SPTSSB: variants seen among roughly 807,000 people sequenced by gnomAD.
SPTSSB encodes the protein androgen down regulated in mouse prostate.
A neutral mutation model predicts 7.7 loss-of-function variants in SPTSSB; 6 were observed. The ratio of observed to expected loss-of-function variants is 0.78; its 90% CI spans 0.43 to 1.54. The LOEUF is 1.54. Ranked by LOEUF, SPTSSB falls within the 40% of genes most tolerant of loss-of-function variation. The probability of loss-of-function intolerance (pLI) is 0.01; values close to 1 mark genes in which losing one functional copy is unlikely to be tolerated. For missense variants in SPTSSB, 91 were observed against 93.0 expected (o/e 0.98, Z 0.09); for synonymous variants, 28 against 29.7 (o/e 0.94, Z 0.19).
rs2108163988 is a variant in SPTSSB at position 161,359,860 on chromosome 3, G to T, written c.-91C>A. On this transcript the variant is annotated 5_prime_UTR_variant, in exon 2 of 3. Transcript: ENST00000620149. ...CTCCTTCACGAAATGATCCTGTGTG[G>T]GTTAGTTCTCCTCTCTGGGTTGCTG... 4 of 927,264 alleles carry T rather than the reference G, an allele frequency of 4.3e-6. No individual in the cohort carries two copies. The South Asian group carries it at 1.5e-4, about 35-fold the overall frequency. The allele number at this position is 927,264 out of a possible 1,614,324, so 57.4% of individuals were successfully genotyped here. A position where few individuals can be genotyped will look rare whatever the true frequency, so the allele number is the denominator to read the frequency against.
At chr3:161,369,314 C>CTCTT (rs1553804940) in intron 1 of SPTSSB, among the ~76,000 whole-genome samples, 4,126 of 65,554 alleles carry the variant, frequency 0.063, 151 homozygotes, top group Middle Eastern at 0.11. Context: ...TTCTTTCTTT[C>CTCTT]TCTTTCTTTC....
At chr3:161,369,302 CTTTCTTTCTTTCTCTTTCTTTCTT>C (rs1715373255) in intron 1 of SPTSSB, among the ~76,000 whole-genome samples, 1 of 57,776 alleles carries the variant, frequency 1.7e-5, no homozygotes, top group Non-Finnish European at 2.9e-5. Flanking sequence ...TTCTTTCTTT[CTTTCTTTCTTTCTCTTTCTTTCTT>C]TCTTTCTTTC....
intron 2 of SPTSSB, among the ~76,000 whole-genome samples, chr3:161,352,204 TCA>T (rs1182931497): frequency 6.6e-6 from 1 of 152,216 alleles, no homozygotes. Context: ...TTAAAGCCCT[TCA>T]CAGTTTCATT....
intron 2 of SPTSSB, chr3:161,359,596 C>T (rs1290336203): frequency 1.7e-5 from 8 of 461,746 alleles, no homozygotes; most frequent in African/African-American, 6.4e-5. Context: ...TTGGAATATC[C>T]GTAAGTTGAG....
At chr3:161,368,084 A>G (rs1431680860) in intron 1 of SPTSSB, among the ~76,000 whole-genome samples, 2 of 152,256 alleles carry the variant, frequency 1.3e-5, no homozygotes, top group African/African-American at 2.4e-5. Flanking sequence ...TGTGAATCAC[A>G]TAGCTGTGTG....
chr3:161,364,339 G>T (rs149706638), intron 1 of SPTSSB, among the ~76,000 whole-genome samples: 128 of 152,228 alleles, frequency 8.4e-4, no homozygotes, highest in African/African-American at 2.9e-3. Flanking sequence ...GTCATCAAAG[G>T]TCGCTATCTG....
intron 2 of SPTSSB, among the ~76,000 whole-genome samples, chr3:161,354,959 A>G (rs1472962484): frequency 6.6e-6 from 1 of 152,234 alleles, no homozygotes; most frequent in African/African-American, 2.4e-5. Context: ...AAAAGAAGAA[A>G]CATTTAGAAA....
intron 1 of SPTSSB, among the ~76,000 whole-genome samples, chr3:161,363,297 T>C (rs1173190501): frequency 6.6e-6 from 1 of 151,662 alleles, no homozygotes; most frequent in Non-Finnish European, 1.5e-5. Flanking sequence ...AAAATGTCTC[T>C]AGAAATAGTA....
intron 1 of SPTSSB, among the ~76,000 whole-genome samples, chr3:161,369,008 G>A (rs190387772): frequency 4.5e-4 from 68 of 152,308 alleles, no homozygotes; most frequent in Non-Finnish European, 7.9e-4. Flanking sequence ...GGTGTTATGA[G>A]TAATGCCACT....
chr3:161,363,351 CT>C (rs1715087755), intron 1 of SPTSSB, among the ~76,000 whole-genome samples: 1 of 151,672 alleles, frequency 6.6e-6, no homozygotes, highest in Non-Finnish European at 1.5e-5. Flanking sequence ...CAAATACTGA[CT>C]TTTGTATATT....
At chr3:161,366,639 C>T (rs1410110013) in intron 1 of SPTSSB, among the ~76,000 whole-genome samples, 2 of 152,080 alleles carry the variant, frequency 1.3e-5, no homozygotes, top group Non-Finnish European at 2.9e-5. Flanking sequence ...TATGTTTCTT[C>T]AGAGCCCTTA....
At chr3:161,350,372 C>T (rs1009720662) in intron 2 of SPTSSB, among the ~76,000 whole-genome samples, 1 of 151,968 alleles carries the variant, frequency 6.6e-6, no homozygotes, top group Non-Finnish European at 1.5e-5. Flanking sequence ...AGCTATTCTC[C>T]TGGGGAAAAA....
intron 2 of SPTSSB, among the ~76,000 whole-genome samples, chr3:161,353,482 C>A (rs1159641601): frequency 1.3e-5 from 2 of 152,092 alleles, no homozygotes; most frequent in African/African-American, 4.8e-5. Context: ...GGCTTCACTA[C>A]TTGAAAGGTA....
chr3:161,370,151 C>G (rs185602114), intron 1 of SPTSSB, among the ~76,000 whole-genome samples: 1 of 152,058 alleles, frequency 6.6e-6, no homozygotes, highest in Non-Finnish European at 1.5e-5. Context: ...GATAGAATTG[C>G]TGTACAATTA....
intron 1 of SPTSSB, among the ~76,000 whole-genome samples, chr3:161,364,728 G>A (rs1368816835): frequency 1.3e-5 from 2 of 151,564 alleles, no homozygotes; most frequent in African/African-American, 2.4e-5. Context: ...CTTCATCAGT[G>A]AACATTCATT....
rs938309378 is a variant in SPTSSB at position 161,371,472 on chromosome 3, C to A, written c.-163G>T. On this transcript the variant is annotated 5_prime_UTR_variant, in exon 1 of 3. Transcript: ENST00000620149. ...TGTATCTCCCTGCGGCTTAGGTGAGCGCCGAGGCTTTGGCTCCTCCCCAGC... is the reference window on the plus strand; with the variant it reads ...TGTATCTCCCTGCGGCTTAGGTGAGAGCCGAGGCTTTGGCTCCTCCCCAGC... 2.0e-5 allele frequency: 20 copies of A among 985,464 alleles called. No individual in the cohort carries two copies. The highest frequency in any genetic ancestry group is 2.4e-5 in the Non-Finnish European group (20 of 829,994). The allele number at this position is 985,464 out of a possible 1,614,324, so 61.0% of individuals were successfully genotyped here.
At chr3:161,352,743 G>GA (rs1714599738) in intron 2 of SPTSSB, among the ~76,000 whole-genome samples, 1 of 152,198 alleles carries the variant, frequency 6.6e-6, no homozygotes, top group Non-Finnish European at 1.5e-5. Flanking sequence ...GTTTTAGACA[G>GA]ATTGTTTTGT....
intron 2 of SPTSSB, among the ~76,000 whole-genome samples, chr3:161,358,280 A>T (rs1341700365): frequency 1.3e-5 from 2 of 152,112 alleles, no homozygotes; most frequent in Non-Finnish European, 2.9e-5. Context: ...TCAATGTGTC[A>T]TGAGGGCCAT....
chr3:161,360,914 TA>T (rs1714984659), intron 1 of SPTSSB, among the ~76,000 whole-genome samples: 1 of 152,146 alleles, frequency 6.6e-6, no homozygotes, highest in South Asian at 2.1e-4. Context: ...GACTGCCAAA[TA>T]AATAAATAAG....
Sources: allele counts gnomAD v4.1 joint callset (sites outside exome capture counted in the v4.1 genomes callset), GRCh38; gene constraint gnomAD v4.1.1; transcripts MANE v1.5; gene names NCBI Gene and HGNC (gene_info 2026-07-23, HGNC 2026-07-21).